DIAPH1: variants seen among roughly 807,000 people sequenced by gnomAD.
The protein encoded by DIAPH1 is diaphanous related formin 1.
A neutral mutation model predicts 140.7 loss-of-function variants in DIAPH1; 46 were observed. The observed-to-expected ratio is 0.33, with a 90% CI of 0.26 to 0.42. The LOEUF (loss-of-function observed/expected upper bound fraction) is 0.42. Ranked by LOEUF, DIAPH1 falls within the 10% of genes least tolerant of loss-of-function variation. The pLI is 1.00. For missense variants in DIAPH1, 1,310 were observed against 1,558.7 expected (o/e 0.84, Z 2.69); for synonymous variants, 565 against 551.6 (o/e 1.02, Z -0.34).
chr5:141,582,264 G>T, intron 7 of DIAPH1, 48 bp downstream of exon 7: 1 of 1,411,218 alleles, frequency 7.1e-7, no homozygotes, highest in South Asian at 1.1e-5. Context: ...AGAAGAGAAA[G>T]AACAGGCGTC....
Position 141,583,660 on chromosome 5 carries a change from C to A in DIAPH1, c.403-45G>T. The A allele has an allele frequency of 1.9e-6, 3 of 1,612,196 alleles. No individual in the cohort carries two copies. In the South Asian group the frequency reaches 3.3e-5, roughly 18 times the overall value. On this transcript the variant is annotated intron_variant, in intron 4 of 27. Coordinates refer to ENST00000389054, the MANE Select transcript of DIAPH1 (RefSeq NM_005219.5). The stretch of plus-strand genomic sequence containing the variant: ...AGAGATTAGTAATGGTGGACCCAGT[C>A]ATAAATTAAGGACTAGTATTAGTCA...
At chr5:141,596,111 C>T (rs989210259) in intron 1 of DIAPH1, among the ~76,000 whole-genome samples, 6 of 152,108 alleles carry the variant, frequency 3.9e-5, no homozygotes, top group African/African-American at 9.7e-5. Flanking sequence ...AGGTGGATTG[C>T]GAGGTCAGGA....
rs1471778544 is a variant in DIAPH1 at position 141,549,855 on chromosome 5, CG to C, written c.2483-15423del. Among the ~76,000 whole-genome samples the C allele has an allele frequency of 2.6e-5, 4 of 152,046 alleles. No homozygotes were observed. The East Asian group carries it at 7.7e-4, about 29-fold the overall frequency. On this transcript the variant is annotated intron_variant, in intron 18 of 27. Transcript: ENST00000389054. ...AACTCATAAAAAGCACAAAATAAGA[CG>C]GTAGATTTAAACCTCAATATTTCAG...
At chr5:141,524,535 A>C (rs1562280507) in intron 26 of DIAPH1, 1 of 436,250 alleles carries the variant, frequency 2.3e-6, no homozygotes, top group South Asian at 2.1e-5. Context: ...CAACTGCCCA[A>C]CTCCAAGACC....
chr5:141,551,289 A>C (rs1039396526), intron 18 of DIAPH1, among the ~76,000 whole-genome samples: 1 of 152,150 alleles, frequency 6.6e-6, no homozygotes, highest in Non-Finnish European at 1.5e-5. Flanking sequence ...ATCTCTACCA[A>C]AAATACAAAT....
Position 141,529,601 on chromosome 5 carries a change from A to G in DIAPH1, c.2676+2T>C. ...CTCCAGCAGAACCACCTTACTCCTT[A>G]CCTGGATCATAGACTCAGTCAGAAC... On this transcript the variant is annotated splice_donor_variant, in intron 20 of 27. Transcript: ENST00000389054. LOFTEE classifies it high-confidence loss of function. 6.2e-7 allele frequency: 1 copy of G among 1,612,526 alleles called. No individual in the cohort carries two copies. Among genetic ancestry groups the G allele is most frequent in the Non-Finnish European group, 8.5e-7 (1 of 1,178,534 alleles).
chr5:141,541,098 A>G (rs2099889900), intron 18 of DIAPH1, among the ~76,000 whole-genome samples: 1 of 152,166 alleles, frequency 6.6e-6, no homozygotes. Flanking sequence ...ATGCACCATT[A>G]AAAATGAAAG....
At chr5:141,541,542 G>C (rs939475819) in intron 18 of DIAPH1, among the ~76,000 whole-genome samples, 2 of 151,912 alleles carry the variant, frequency 1.3e-5, no homozygotes, top group African/African-American at 4.8e-5. Flanking sequence ...ACAAAAATTA[G>C]CTGGTGGTGG....
intron 13 of DIAPH1, 113 bp from the exon 14 acceptor site, chr5:141,576,407 T>C: frequency 2.2e-6 from 2 of 907,976 alleles, no homozygotes; most frequent in Non-Finnish European, 3.6e-6. Context: ...TCTTTCTTAA[T>C]GTTCTGCACT....
At chr5:141,591,503 AAG>A (rs2099898401) in intron 1 of DIAPH1, among the ~76,000 whole-genome samples, 1 of 151,218 alleles carries the variant, frequency 6.6e-6, no homozygotes, top group South Asian at 2.1e-4. Flanking sequence ...TATATCAATG[AAG>A]AGACTGAAGC....
chr5:141,539,805 GTC>G (rs1269534176), intron 18 of DIAPH1, among the ~76,000 whole-genome samples: 1 of 151,736 alleles, frequency 6.6e-6, no homozygotes, highest in Non-Finnish European at 1.5e-5. Flanking sequence ...TCTGATTCAA[GTC>G]TCTCTTTTTC....
At chr5:141,558,803 T>C (rs2099893057) in intron 18 of DIAPH1, among the ~76,000 whole-genome samples, 1 of 152,052 alleles carries the variant, frequency 6.6e-6, no homozygotes, top group African/African-American at 2.4e-5. Context: ...TACAAGTCAT[T>C]AATGGTTGCC....
chr5:141,577,975 G>C (rs968051099), intron 11 of DIAPH1: 2 of 576,838 alleles, frequency 3.5e-6, no homozygotes, highest in South Asian at 4.0e-5. Flanking sequence ...TCACATTCTA[G>C]GAAGTTTACA....
intron 24 of DIAPH1, among the ~76,000 whole-genome samples, chr5:141,526,982 G>A (rs576875697): frequency 6.6e-6 from 1 of 152,262 alleles, no homozygotes; most frequent in Non-Finnish European, 1.5e-5. Flanking sequence ...CAAGACATAT[G>A]TGCAAAACAC....
intron 1 of DIAPH1, among the ~76,000 whole-genome samples, chr5:141,608,872 G>A (rs547897060): frequency 6.6e-6 from 1 of 152,058 alleles, no homozygotes. Flanking sequence ...ATATAAAAAG[G>A]ATAACTATAG....
At chr5:141,595,604 C>T (rs2099899190) in intron 1 of DIAPH1, among the ~76,000 whole-genome samples, 1 of 152,200 alleles carries the variant, frequency 6.6e-6, no homozygotes, top group Non-Finnish European at 1.5e-5. Context: ...CGCTTGCACT[C>T]ACTCTGTCCT....
Position 141,528,899 on chromosome 5 carries a change from G to T in DIAPH1, c.2821C>A (p.Leu941Ile), listed in dbSNP as rs1435307627. The T allele has an allele frequency of 3.1e-6, 5 of 1,614,146 alleles. No homozygotes were observed. The Admixed American group carries it at 8.3e-5, about 27-fold the overall frequency. Reference protein sequence around the residue: ...PRLRPRLNAILFKLQFSEQVE... With the variant: ...PRLRPRLNAIIFKLQFSEQVE... ...TGCTCGCTGAATTGTAGCTTGAAGA[G>T]AATGGCATTGAGGCGAGGCCGCAGT... The change falls in exon 22 of 28, where the codon CTC (leucine) becomes ATC (isoleucine). Residue 941 changes from leucine (L) to isoleucine (I), a missense_variant. Leu to Ile is a conservative substitution (Grantham distance 5, BLOSUM62 2). Transcript: ENST00000389054.
At chr5:141,556,617 G>A (rs1345209649) in intron 18 of DIAPH1, among the ~76,000 whole-genome samples, 1 of 152,190 alleles carries the variant, frequency 6.6e-6, no homozygotes, top group Non-Finnish European at 1.5e-5. Context: ...TAAAGAAGAG[G>A]CTCTGCTCTG....
chr5:141,571,311 A>G (rs527799855), intron 18 of DIAPH1, 117 bp downstream of exon 18: 3 of 876,198 alleles, frequency 3.4e-6, no homozygotes, highest in South Asian at 3.4e-5. Flanking sequence ...CCTAGCAAAG[A>G]CAAGTCAACC....
Sources: allele counts gnomAD v4.1 joint callset (sites outside exome capture counted in the v4.1 genomes callset), GRCh38; gene constraint gnomAD v4.1.1; transcripts MANE v1.5; gene names NCBI Gene and HGNC (gene_info 2026-07-23, HGNC 2026-07-21).